The following TLE6 variants were observed in gnomAD, a reference collection of about 807,000 sequenced individuals.
TLE6 encodes transducin-like enhancer protein 6.
Under a neutral mutation model 77.1 loss-of-function variants are expected in TLE6, and 72 were observed. The ratio of observed to expected loss-of-function variants is 0.93; its 90% confidence interval spans 0.77 to 1.14. The LOEUF (loss-of-function observed/expected upper bound fraction) is 1.14. TLE6 is among the 50% of genes most tolerant of loss of function. The pLI, the probability that TLE6 is intolerant of heterozygous loss-of-function variation, is 0.00. For synonymous variants in TLE6, 366 were observed against 287.3 expected, an observed-to-expected ratio of 1.27 and a Z score of -2.77; for missense variants, 843 against 747.6, an observed-to-expected ratio of 1.13 and a Z score of -1.49.
chr19:2,978,989 T>A (rs2088738005), intron 2 of TLE6, among the ~76,000 whole-genome samples: 2 of 151,958 alleles, frequency 1.3e-5, no homozygotes, highest in Non-Finnish European at 2.9e-5. Context: ...AGTCTCACAC[T>A]CACCTCGGCT....
chr19:2,995,159 A>G lies in TLE6; in HGVS notation c.*155A>G. The G allele has an allele frequency of 2.0e-6, 1 of 506,580 alleles. No homozygotes were observed. The allele number at this position is 506,580 out of a possible 1,614,324, so 31.4% of individuals were successfully genotyped here. On this transcript the variant is annotated 3_prime_UTR_variant, in exon 17 of 17. Coordinates refer to ENST00000246112, the MANE Select transcript of TLE6 (RefSeq NM_001143986.2). ...TGTAGACTGGTCGCCATCACGTGTA[A>G]TAAAGCACCCGGGAAAGGCAGAGTG...
At chr19:2,992,793 A>AACGT (rs1487334518) in intron 14 of TLE6, among the ~76,000 whole-genome samples, 2 of 19,760 alleles carry the variant, frequency 1.0e-4, no homozygotes, top group African/African-American at 5.2e-4. Flanking sequence ...AAAAAAAAAA[A>AACGT]GGGGGGGAGG....
At chr19:2,988,360 GC>G (rs1217438150) in intron 11 of TLE6, among the ~76,000 whole-genome samples, 1 of 152,152 alleles carries the variant, frequency 6.6e-6, no homozygotes, top group Non-Finnish European at 1.5e-5. Flanking sequence ...ACTTTGGGAG[GC>G]CGAGGCGGGC....
chr19:2,986,728 A>G lies in TLE6; in HGVS notation c.223-101A>G, dbSNP rs1476794460. 3.3e-6 allele frequency: 4 copies of G among 1,212,956 alleles called. No individual in the cohort carries two copies. The African/African-American group carries it at 6.1e-5, about 18-fold the overall frequency. The allele number at this position is 1,212,956 out of a possible 1,614,324, so 75.1% of individuals were successfully genotyped here. ...GACTCTGTCTCAAAAAAACAAGTAG[A>G]TTGATATACCTTCTTCTACAGGTGG... On this transcript the variant is annotated intron_variant, in intron 5 of 16. Coordinates refer to ENST00000246112, the MANE Select transcript of TLE6 (RefSeq NM_001143986.2).
intron 14 of TLE6, among the ~76,000 whole-genome samples, chr19:2,992,779 CAAA>C (rs1187737901): frequency 6.7e-5 from 1 of 15,036 alleles, no homozygotes; most frequent in Admixed American, 8.9e-4. Flanking sequence ...GACCCTGTCT[CAAA>C]AAAAAAAAAA....
In TLE6 at chr19:2,986,071, CAAAAAAAAAAAAAAAAAA is replaced by C. The variant is rs547031586; in HGVS notation, c.223-736_223-719del. Among the ~76,000 whole-genome samples, 209 of 41,262 alleles carry C rather than the reference CAAAAAAAAAAAAAAAAAA, an allele frequency of 5.1e-3. 5 individuals are homozygous for C. In the East Asian group the frequency reaches 0.11, roughly 21 times the overall value. 27.1% of individuals were successfully genotyped at this position (41,262 alleles called of 152,430 possible). ...CCTGGGCCACAGCGTGAGACTGTCTCAAAAAAAAAAAAAAAAAAAAAAAAAAAAAAAAAAAAAAAGATA... is the reference window on the plus strand; with the variant it reads ...CCTGGGCCACAGCGTGAGACTGTCTCAAAAAAAAAAAAAAAAAAAAAGATA... On this transcript the variant is annotated intron_variant, in intron 5 of 16. Coordinates refer to ENST00000246112, the MANE Select transcript of TLE6 (RefSeq NM_001143986.2).
intron 1 of TLE6, among the ~76,000 whole-genome samples, chr19:2,977,894 C>T (rs1352079518): frequency 6.6e-6 from 1 of 152,116 alleles, no homozygotes; most frequent in East Asian, 1.9e-4. Flanking sequence ...GCGACCTTCC[C>T]TGGGCTCCCC....
chr19:2,988,155 G>C, intron 11 of TLE6, 27 bp downstream of exon 11: 1 of 1,550,458 alleles, frequency 6.4e-7, no homozygotes, highest in Non-Finnish European at 8.7e-7. Context: ...TTTGCTTTTG[G>C]GCGGGGTGAG....
At chr19:2,992,417 AGCCGAGATCGT>A (rs775801335) in intron 14 of TLE6, among the ~76,000 whole-genome samples, 3 of 151,902 alleles carry the variant, frequency 2.0e-5, no homozygotes, top group Non-Finnish European at 4.4e-5. Flanking sequence ...GGTTGTGGTG[AGCCGAGATCGT>A]GCCATTGCAC....
At position 2,994,026 on chromosome 19, in the gene TLE6, G is replaced by A. The variant is rs1312976210; in HGVS notation, c.1545G>A (p.Trp515Ter). The change falls in exon 16 of 17, where the codon TGG becomes TGA. Residue 515 changes from tryptophan (W) to a stop codon, truncating the protein, a stop_gained. Transcript: ENST00000246112. LOFTEE classifies it high-confidence loss of function. ...LSVKFSPFGQ[W>*]WASVGMDDFL... ...ATGCTCCATTTCTCCCAGGCCAGTG[G>A]TGGGCAAGCGTTGGAATGGACGACT... 1 of 1,605,240 alleles carries A rather than the reference G, an allele frequency of 6.2e-7. No homozygotes were observed. Among genetic ancestry groups the A allele is most frequent in the Non-Finnish European group, 8.5e-7 (1 of 1,176,756 alleles).
intron 13 of TLE6, 105 bp from the exon 14 acceptor site, chr19:2,991,738 G>T: frequency 9.0e-7 from 1 of 1,106,988 alleles, no homozygotes; most frequent in Non-Finnish European, 1.3e-6. Flanking sequence ...AGATTTTTGG[G>T]TGGTGGCACT....
At chr19:2,993,163 G>C (rs891753538) in intron 14 of TLE6, among the ~76,000 whole-genome samples, 3 of 151,930 alleles carry the variant, frequency 2.0e-5, no homozygotes, top group Non-Finnish European at 1.5e-5. Flanking sequence ...CGTAAGCCGA[G>C]ATCGTACCAT....
At position 2,982,192 on chromosome 19, in the gene TLE6, G is replaced by A. The variant is rs754849028; in HGVS notation, c.222+3G>A. 1.3e-6 allele frequency: 2 copies of A among 1,551,212 alleles called. No homozygotes were observed. Among genetic ancestry groups the A allele is most frequent in the South Asian group, 2.4e-5 (2 of 84,050 alleles). ...ATGTGGCAGAACATCACAAGCAGGT[G>A]GGTGACCAGGAGCTCAGGGGTGCGG... On this transcript the variant is annotated splice_donor_region_variant and intron_variant, in intron 5 of 16. Coordinates refer to ENST00000246112, the MANE Select transcript of TLE6 (RefSeq NM_001143986.2).
intron 16 of TLE6, 133 bp from the exon 17 acceptor site, chr19:2,994,767 G>A (rs1022635482): frequency 1.1e-5 from 6 of 538,000 alleles, no homozygotes; most frequent in Non-Finnish European, 1.7e-5. Flanking sequence ...TTGCACCACT[G>A]CACTCCAGCC....
intron 3 of TLE6, 141 bp downstream of exon 3, chr19:2,980,323 G>T: frequency 3.5e-6 from 2 of 576,296 alleles, no homozygotes; most frequent in Non-Finnish European, 3.0e-6. Context: ...CAGATACCCA[G>T]CATGGAGAAC....
Position 2,988,903 on chromosome 19 carries a change from A to G in TLE6, c.741-158A>G, listed in dbSNP as rs188115619. 75 of 1,034,860 alleles carry G rather than the reference A, an allele frequency of 7.2e-5. No individual in the cohort carries two copies. The African/African-American group carries it at 7.9e-4, about 11-fold the overall frequency. The allele number at this position is 1,034,860 out of a possible 1,614,324, so 64.1% of individuals were successfully genotyped here. ...GCAAAGGGACAATACTTGAAGGAATATGAGCAGGACATTGAGGGGAGTCTA... is the reference window on the plus strand; with the variant it reads ...GCAAAGGGACAATACTTGAAGGAATGTGAGCAGGACATTGAGGGGAGTCTA... On this transcript the variant is annotated intron_variant, in intron 11 of 16. Coordinates refer to ENST00000246112, the MANE Select transcript of TLE6 (RefSeq NM_001143986.2).
At chr19:2,978,163 G>A (rs961976360) in intron 1 of TLE6, 35 bp from the exon 2 acceptor site, 10 of 1,497,166 alleles carry the variant, frequency 6.7e-6, no homozygotes, top group Middle Eastern at 3.4e-4. Flanking sequence ...CTTATTTTCT[G>A]TCCCTCAAGA....
In TLE6 at chr19:2,989,195, C is replaced by T. The variant is rs145393603; in HGVS notation, c.875C>T (p.Thr292Met). The T allele has an allele frequency of 3.1e-4, 506 of 1,614,126 alleles. No individual in the cohort carries two copies. The highest frequency in any genetic ancestry group is 3.8e-4 in the Non-Finnish European group (452 of 1,180,036). Residue 292 changes from threonine to methionine, a missense_variant, in exon 12 of 17, where the codon ACG (threonine) becomes ATG (methionine). By Grantham distance (81) the Thr-to-Met change is moderately conservative (BLOSUM62 -1). Coordinates refer to ENST00000246112, the MANE Select transcript of TLE6 (RefSeq NM_001143986.2). ...GCACACGGGGAGCTCGTGCTCGCCA[C>T]GGCCATCAGCAGCTTCACGCGGCAC... ...ILAHGELVLA[T>M]AISSFTRHVF... is the part of the protein sequence containing the mutation.
chr19:2,995,076 G>C lies in TLE6; in HGVS notation c.*72G>C. The C allele has an allele frequency of 1.0e-6, 1 of 979,870 alleles. No homozygotes were observed. Among genetic ancestry groups the C allele is most frequent in the East Asian group, 2.7e-5 (1 of 37,646 alleles). 60.7% of individuals were successfully genotyped at this position (979,870 alleles called of 1,614,324 possible). A position where few individuals can be genotyped will look rare whatever the true frequency, so the allele number is the denominator to read the frequency against. On this transcript the variant is annotated 3_prime_UTR_variant, in exon 17 of 17. Coordinates refer to ENST00000246112, the MANE Select transcript of TLE6 (RefSeq NM_001143986.2). ...CCCCTTCCCCCCCCCCAACAAGGGG[G>C]ACATGGTGGAGGGAAGCGGGAAGGC...
Sources: allele counts gnomAD v4.1 joint callset (sites outside exome capture counted in the v4.1 genomes callset), GRCh38; gene constraint gnomAD v4.1.1; transcripts MANE v1.5; gene names NCBI Gene and HGNC (gene_info 2026-07-23, HGNC 2026-07-21).